Variants in ACTN2 observed in about 807,000 individuals in gnomAD.
ACTN2 encodes actinin alpha 2, also known as alpha-actinin-2.
ACTN2 carries 39 observed loss-of-function variants against 113.8 expected under a neutral mutation model. The ratio of observed to expected loss-of-function variants is 0.34; its 90% CI spans 0.27 to 0.45. ACTN2 has a LOEUF of 0.45. Ranked by LOEUF, ACTN2 falls within the 20% of genes least tolerant of loss-of-function variation. The probability of loss-of-function intolerance (pLI) is 1.00; values close to 1 mark genes in which losing one functional copy is unlikely to be tolerated. For missense variants in ACTN2, 992 were observed against 1,177.9 expected (o/e 0.84, Z 2.31); for synonymous variants, 429 against 444.1 (o/e 0.97, Z 0.43).
chr1:236,737,305 A>G lies in ACTN2; in HGVS notation c.876+91A>G, dbSNP rs1011948149. The stretch of plus-strand genomic sequence containing the variant: ...AAAAATACTCCGTGGGGGCATATAT[A>G]TATATATATATATTTTGCATTTTTC... On this transcript the variant is annotated intron_variant, in intron 9 of 20. Coordinates refer to ENST00000366578, the MANE Select transcript of ACTN2 (RefSeq NM_001103.4). The G allele has an allele frequency of 1.0e-4, 30 of 292,658 alleles. 2 individuals carry two copies. The highest frequency in any genetic ancestry group is 6.3e-4 in the African/African-American group (29 of 45,926). 18.1% of individuals were successfully genotyped at this position (292,658 alleles called of 1,614,324 possible). A position where few individuals can be genotyped will look rare whatever the true frequency, so the allele number is the denominator to read the frequency against.
At chr1:236,710,504 T>A (rs1657991979) in intron 1 of ACTN2, among the ~76,000 whole-genome samples, 1 of 152,234 alleles carries the variant, frequency 6.6e-6, no homozygotes, top group South Asian at 2.1e-4. Flanking sequence ...CTGACAATTG[T>A]AGCCAGCAAA....
At chr1:236,747,490 T>TCCACCCCCTC (rs1659270185) in intron 12 of ACTN2, among the ~76,000 whole-genome samples, 177 bp from the exon 13 acceptor site, 1 of 152,148 alleles carries the variant, frequency 6.6e-6, no homozygotes, top group Non-Finnish European at 1.5e-5. Flanking sequence ...CACCTACCCT[T>TCCACCCCCTC]CCACCCCCTC....
chr1:236,760,574 A>G (rs768766807), intron 19 of ACTN2, among the ~76,000 whole-genome samples: 4 of 152,196 alleles, frequency 2.6e-5, no homozygotes, highest in Non-Finnish European at 4.4e-5. Flanking sequence ...CCCATTAATG[A>G]GTATTTTTAA....
intron 1 of ACTN2, among the ~76,000 whole-genome samples, chr1:236,700,532 G>A (rs1466763797): frequency 1.3e-5 from 2 of 152,110 alleles, no homozygotes; most frequent in Non-Finnish European, 2.9e-5. Flanking sequence ...CCCTCTCCTC[G>A]TACTGCACCC....
At chr1:236,736,840 G>C (rs1658892657) in intron 8 of ACTN2, among the ~76,000 whole-genome samples, 1 of 152,120 alleles carries the variant, frequency 6.6e-6, no homozygotes, top group Non-Finnish European at 1.5e-5. Context: ...TAACTTGCTG[G>C]ATGTTTACCG....
At chr1:236,762,340 A>T in intron 20 of ACTN2, 121 bp from the exon 21 acceptor site, 1 of 1,317,874 alleles carries the variant, frequency 7.6e-7, no homozygotes. Context: ...ATGCCAATAG[A>T]CTCCCTATTC....
chr1:236,726,216 A>G (rs552794488), intron 5 of ACTN2, among the ~76,000 whole-genome samples, 196 bp downstream of exon 5: 1 of 152,336 alleles, frequency 6.6e-6, no homozygotes, highest in East Asian at 1.9e-4. Context: ...GCATGCTGGT[A>G]AACAGCACTG....
chr1:236,729,272 C>T (rs909596701), intron 6 of ACTN2, among the ~76,000 whole-genome samples: 13 of 150,748 alleles, frequency 8.6e-5, no homozygotes, highest in Admixed American at 2.0e-4. Flanking sequence ...TGCAGTGAAC[C>T]GAGATGGCAC....
chr1:236,742,757 G>T (rs1659110204), intron 10 of ACTN2, 139 bp from the exon 11 acceptor site: 2 of 997,360 alleles, frequency 2.0e-6, no homozygotes, highest in Middle Eastern at 3.0e-4. Flanking sequence ...ATTGAGGTGG[G>T]GGGTAAGGAA....
chr1:236,744,757 G>T lies in ACTN2; in HGVS notation c.1387G>T (p.Ala463Ser). 1 of 1,614,140 alleles carries T rather than the reference G, an allele frequency of 6.2e-7. No individual in the cohort carries two copies. The highest frequency in any genetic ancestry group is 8.5e-7 in the Non-Finnish European group (1 of 1,180,018). Residue 463 changes from alanine (A) to serine (S), a missense_variant, in exon 12 of 21, where the codon GCC becomes TCC. Coordinates refer to ENST00000366578, the MANE Select transcript of ACTN2 (RefSeq NM_001103.4). ...AHQDRVEQIA[A>S]IAQELNELDY... Reference sequence around the variant, plus strand: ...CCAGGACCGCGTGGAGCAGATCGCAGCCATCGCGCAGGAGCTCAAGTATGT... The same window carrying T: ...CCAGGACCGCGTGGAGCAGATCGCATCCATCGCGCAGGAGCTCAAGTATGT...
chr1:236,692,335 A>T (rs35643176), intron 1 of ACTN2, among the ~76,000 whole-genome samples: 13,400 of 152,300 alleles, frequency 0.088, 695 homozygotes, highest in Middle Eastern at 0.15. Flanking sequence ...TGGTATTGAC[A>T]AGCAACAACC....
At chr1:236,753,556 C>T (rs889597392) in intron 15 of ACTN2, among the ~76,000 whole-genome samples, 1 of 152,196 alleles carries the variant, frequency 6.6e-6, no homozygotes, top group African/African-American at 2.4e-5. Context: ...TGAAAATAAA[C>T]ACGCCAGTGT....
At chr1:236,722,872 G>C (rs1471519358) in intron 4 of ACTN2, among the ~76,000 whole-genome samples, 1 of 152,134 alleles carries the variant, frequency 6.6e-6, no homozygotes, top group East Asian at 1.9e-4. Flanking sequence ...TTCGGGAGTA[G>C]GTTTTCCAGT....
intron 1 of ACTN2, among the ~76,000 whole-genome samples, chr1:236,713,323 G>A (rs1028969092): frequency 1.3e-5 from 2 of 151,976 alleles, no homozygotes; most frequent in Non-Finnish European, 2.9e-5. Flanking sequence ...TGCCTCCCGG[G>A]TTCAAGCAAT....
rs368741390 is a variant in ACTN2 at position 236,754,996 on chromosome 1, G to C, written c.1975-23G>C. ...GGCACTTCACTCTGCTTCTCTCTCT[G>C]CTTGCTCACTCGCCCCCCTCAGGAG... On this transcript the variant is annotated intron_variant, in intron 16 of 20. Coordinates refer to ENST00000366578, the MANE Select transcript of ACTN2 (RefSeq NM_001103.4). The surrounding 1 kb of genome is among the most constrained non-coding windows in gnomAD (Gnocchi z 4.9). 7.6e-5 allele frequency: 122 copies of C among 1,614,098 alleles called. No individual in the cohort carries two copies. In the African/African-American group the frequency reaches 1.3e-3, roughly 17 times the overall value.
chr1:236,761,999 G>T (rs1659721731), intron 20 of ACTN2, among the ~76,000 whole-genome samples: 1 of 152,110 alleles, frequency 6.6e-6, no homozygotes, highest in Non-Finnish European at 1.5e-5. Context: ...ACCCCACTAA[G>T]AAACTTCTAC....
chr1:236,739,315 T>C lies in ACTN2; in HGVS notation c.890T>C (p.Ile297Thr), dbSNP rs749671169. 1.2e-6 allele frequency: 2 copies of C among 1,614,076 alleles called. No individual in the cohort carries two copies. Among genetic ancestry groups the C allele is most frequent in the Non-Finnish European group, 1.7e-6 (2 of 1,180,008 alleles). ...ERLASELLEW[I>T]RRTIPWLENR... ...TTTGCGGAGCAGCTTTTGGAATGGA[T>C]TCGTCGCACGATCCCCTGGCTGGAG... is the stretch of plus-strand genomic sequence containing the variant. Residue 297 changes from isoleucine to threonine, a missense_variant, in exon 10 of 21, where the codon ATT becomes ACT. Transcript: ENST00000366578.
Position 236,763,493 on chromosome 1 carries a change from A to T in ACTN2, c.*874A>T, listed in dbSNP as rs1300901433. On this transcript the variant is annotated 3_prime_UTR_variant, in exon 21 of 21. Coordinates refer to ENST00000366578, the MANE Select transcript of ACTN2 (RefSeq NM_001103.4). ...TGTTTATAAATAAGCAGGTTTCTGT[A>T]GTACTGACTGGTTCATCACAAGGCA... 1 of 152,276 alleles carries T rather than the reference A, an allele frequency of 6.6e-6. No homozygotes were observed. Among genetic ancestry groups the T allele is most frequent in the Non-Finnish European group, 1.5e-5 (1 of 68,076 alleles). 9.4% of individuals were successfully genotyped at this position (152,276 alleles called of 1,614,324 possible).
rs148159045 is a variant in ACTN2 at position 236,762,713 on chromosome 1, TGAGA to T, written c.*104_*107del. The T allele has an allele frequency of 2.1e-6, 3 of 1,456,812 alleles. No individual in the cohort carries two copies. The highest frequency in any genetic ancestry group is 2.8e-5 in the African/African-American group (2 of 70,574). The allele number at this position is 1,456,812 out of a possible 1,614,324, so 90.2% of individuals were successfully genotyped here. A position where few individuals can be genotyped will look rare whatever the true frequency, so the allele number is the denominator to read the frequency against. On this transcript the variant is annotated 3_prime_UTR_variant, in exon 21 of 21. Transcript: ENST00000366578. ...GAAACTTTGACAAGCTTTATTAAGTTGAGAGAGAGAGAGGGGAAAAAAAAAAGCC... is the reference window on the plus strand; with the variant it reads ...GAAACTTTGACAAGCTTTATTAAGTTGAGAGAGAGGGGAAAAAAAAAAGCC...
Sources: allele counts gnomAD v4.1 joint callset (sites outside exome capture counted in the v4.1 genomes callset), GRCh38; gene constraint gnomAD v4.1.1; non-coding constraint Gnocchi (gnomAD v3.1); transcripts MANE v1.5; gene names NCBI Gene and HGNC (gene_info 2026-07-23, HGNC 2026-07-21).